PCDHGA5: variants seen among roughly 807,000 people sequenced by gnomAD.
PCDHGA5 encodes the protein protocadherin gamma subfamily A, 5.
PCDHGA5 carries 36 observed loss-of-function variants against 56.7 expected under a neutral mutation model. That is an observed-to-expected ratio of 0.64 (90% CI 0.49 to 0.84). The LOEUF is 0.84. Among genes scored for constraint, PCDHGA5 ranks in the 40% least tolerant of loss-of-function variants. The probability of loss-of-function intolerance (pLI) is 0.00; values close to 1 mark genes in which losing one functional copy is unlikely to be tolerated. For missense variants in PCDHGA5, 1,305 were observed against 1,201.5 expected (o/e 1.09, Z -1.27); for synonymous variants, 563 against 520.2 (o/e 1.08, Z -1.12).
At chr5:141,419,477 C>G (rs760970548) in intron 1 of PCDHGA5, 1 of 1,612,420 alleles carries the variant, frequency 6.2e-7, no homozygotes, top group Non-Finnish European at 8.5e-7. Flanking sequence ...CCAGGGCTCG[C>G]CCGCGCTCAG....
intron 1 of PCDHGA5, among the ~76,000 whole-genome samples, chr5:141,435,105 G>C (rs1046201852): frequency 2.6e-5 from 4 of 151,940 alleles, no homozygotes; most frequent in African/African-American, 9.7e-5. Flanking sequence ...TATCTAGGGG[G>C]GAGAAATCTA....
At chr5:141,495,292 C>T (rs74321313) in intron 2 of PCDHGA5, among the ~76,000 whole-genome samples, 8,567 of 152,256 alleles carry the variant, frequency 0.056, 526 homozygotes, top group African/African-American at 0.16. Context: ...CCGCACTCAG[C>T]GCCTCCTCCA....
Position 141,486,971 on chromosome 5 carries a change from T to G in PCDHGA5, c.2422-7836T>G. ...AAAGGTGACTGCTGTGGACTTGGAT[T>G]CAGGTTACAATGCTTGGGTTTCCTA... On this transcript the variant is annotated intron_variant, in intron 1 of 3. Transcript: ENST00000518069. The surrounding 1 kb of genome is among the most constrained non-coding windows in gnomAD (Gnocchi z 5.0). The G allele has an allele frequency of 6.2e-7, 1 of 1,614,220 alleles. No homozygotes were observed. The highest frequency in any genetic ancestry group is 8.5e-7 in the Non-Finnish European group (1 of 1,180,042).
At chr5:141,393,224 T>C in intron 1 of PCDHGA5, 1 of 1,613,670 alleles carries the variant, frequency 6.2e-7, no homozygotes, top group South Asian at 1.1e-5. Flanking sequence ...AGGTCGAAGA[T>C]CTAGAAGTAA....
intron 2 of PCDHGA5, among the ~76,000 whole-genome samples, chr5:141,495,685 T>TA (rs758775501): frequency 1.3e-5 from 2 of 152,210 alleles, no homozygotes; most frequent in African/African-American, 2.4e-5. Context: ...TGCCATGGCA[T>TA]AAGTGCTCAA....
chr5:141,411,924 C>G lies in PCDHGA5; in HGVS notation c.2421+45173C>G, dbSNP rs116336964. ...TTGCCTTTGCACTCAGTCTCTGTCTCTGATTCTCTGATAGAAGATTTTTGA... is the reference window on the plus strand; with the variant it reads ...TTGCCTTTGCACTCAGTCTCTGTCTGTGATTCTCTGATAGAAGATTTTTGA... On this transcript the variant is annotated intron_variant, in intron 1 of 3. Coordinates refer to ENST00000518069, the MANE Select transcript of PCDHGA5 (RefSeq NM_018918.3). The G allele has an allele frequency of 5.8e-4, 88 of 152,306 alleles. 1 individual carries two copies. Among genetic ancestry groups the G allele is most frequent in the African/African-American group, 2.0e-3 (83 of 41,556 alleles). 9.4% of individuals were successfully genotyped at this position (152,306 alleles called of 1,614,324 possible). A position where few individuals can be genotyped will look rare whatever the true frequency, so the allele number is the denominator to read the frequency against.
At chr5:141,409,896 C>A (rs1181128940) in intron 1 of PCDHGA5, 1 of 1,613,240 alleles carries the variant, frequency 6.2e-7, no homozygotes, top group African/African-American at 1.3e-5. Context: ...GTGCTGTACC[C>A]AGCTCTGGGT....
intron 1 of PCDHGA5, chr5:141,377,130 G>A (rs1432999287): frequency 6.6e-6 from 1 of 152,218 alleles, no homozygotes; most frequent in Non-Finnish European, 1.5e-5. Flanking sequence ...TTAATTTTGT[G>A]GGGGAAAATA....
At chr5:141,393,976 A>G in intron 1 of PCDHGA5, 1 of 1,613,856 alleles carries the variant, frequency 6.2e-7, no homozygotes, top group Non-Finnish European at 8.5e-7. Flanking sequence ...TACACACGTG[A>G]TAATTTACCT....
chr5:141,510,853 CTGT>C, intron 3 of PCDHGA5, 91 bp from the exon 4 acceptor site: 3 of 1,601,238 alleles, frequency 1.9e-6, no homozygotes, highest in Middle Eastern at 1.7e-4. Context: ...GCCCAGGGTG[CTGT>C]ATAGGCATTC....
rs2098995125 is a variant in PCDHGA5 at position 141,460,673 on chromosome 5, A to G, written c.2422-34134A>G. 2.6e-5 allele frequency among the ~76,000 whole-genome samples: 4 copies of G among 152,244 alleles called. No homozygotes were observed. The South Asian group carries it at 8.3e-4, about 32-fold the overall frequency. On this transcript the variant is annotated intron_variant, in intron 1 of 3. Coordinates refer to ENST00000518069, the MANE Select transcript of PCDHGA5 (RefSeq NM_018918.3). ...CATATGTAACTGTAAACACAGTTAT[A>G]TATCTATATATCCACCAACAGTTGA... is the stretch of plus-strand genomic sequence containing the variant.
chr5:141,435,979 C>T (rs1036607924), intron 1 of PCDHGA5, among the ~76,000 whole-genome samples: 4 of 152,008 alleles, frequency 2.6e-5, no homozygotes, highest in Non-Finnish European at 5.9e-5. Flanking sequence ...TGTGGTTCTA[C>T]TTGTGTGATT....
intron 2 of PCDHGA5, among the ~76,000 whole-genome samples, chr5:141,499,689 CTTTTTT>C (rs545067566): frequency 3.3e-5 from 4 of 119,854 alleles, no homozygotes; most frequent in Admixed American, 8.7e-5. Flanking sequence ...TAACAGATGA[CTTTTTT>C]TTTTTTTTTT....
At position 141,365,484 on chromosome 5, in the gene PCDHGA5, C is replaced by T. The variant is rs1763944357; in HGVS notation, c.1154C>T (p.Ser385Phe). ...DSGENGEIACSIPRNLPFKLE... is the reference protein window; with the variant it reads ...DSGENGEIACFIPRNLPFKLE... The stretch of plus-strand genomic sequence containing the variant: ...GGAGAAAATGGTGAGATTGCATGCT[C>T]TATTCCTAGGAATTTGCCTTTTAAA... Residue 385 changes from serine (S) to phenylalanine (F), a missense_variant, in exon 1 of 4, where the codon TCT becomes TTT. Physicochemically the swap from Ser to Phe is radical, Grantham distance 155. Transcript: ENST00000518069. The T allele has an allele frequency of 6.2e-7, 1 of 1,613,876 alleles. No homozygotes were observed. The highest frequency in any genetic ancestry group is 1.3e-5 in the African/African-American group (1 of 74,926).
At chr5:141,438,400 T>C (rs2154557880) in intron 1 of PCDHGA5, among the ~76,000 whole-genome samples, 1 of 151,918 alleles carries the variant, frequency 6.6e-6, no homozygotes, top group Non-Finnish European at 1.5e-5. Context: ...TCATTAACTC[T>C]CTGAAGTATT....
rs146372628 is a variant in PCDHGA5, at chr5:141,476,246, G to A, written c.2422-18561G>A. On this transcript the variant is annotated intron_variant, in intron 1 of 3. Coordinates refer to ENST00000518069, the MANE Select transcript of PCDHGA5 (RefSeq NM_018918.3). The surrounding 1 kb of genome is among the most constrained non-coding windows in gnomAD (Gnocchi z 7.6). ...TGAGATCCCGGAGGAAAGAGAGAAG[G>A]GTTTCGCTGTGGGCAACGTGGTCGC... 1.0e-3 allele frequency: 1,689 copies of A among 1,613,996 alleles called. 1 individual carries two copies. Among genetic ancestry groups the A allele is most frequent in the Non-Finnish European group, 1.3e-3 (1,557 of 1,180,008 alleles).
chr5:141,405,242 A>G, intron 1 of PCDHGA5: 1 of 1,614,156 alleles, frequency 6.2e-7, no homozygotes, highest in Non-Finnish European at 8.5e-7. Flanking sequence ...CGCTGACTCA[A>G]GGAAGAGTCA....
At chr5:141,510,315 G>A (rs2099880567) in intron 3 of PCDHGA5, among the ~76,000 whole-genome samples, 1 of 151,324 alleles carries the variant, frequency 6.6e-6, no homozygotes, top group African/African-American at 2.4e-5. Flanking sequence ...TGGAGGCTTG[G>A]AAGAGCACTC....
At chr5:141,459,215 G>C (rs2098963353) in intron 1 of PCDHGA5, among the ~76,000 whole-genome samples, 1 of 152,112 alleles carries the variant, frequency 6.6e-6, no homozygotes, top group South Asian at 2.1e-4. Flanking sequence ...TACTTCTCCA[G>C]CTCCAGGCAA....
Sources: gnomAD v4.1 joint callset for allele counts (sites outside exome capture counted in the v4.1 genomes callset) on GRCh38, gnomAD v4.1.1 for gene constraint, Gnocchi (gnomAD v3.1) non-coding constraint, MANE v1.5 for transcripts, NCBI Gene and HGNC (gene_info 2026-07-23, HGNC 2026-07-21) for gene names.